Variants in AFG2A observed in about 807,000 individuals in gnomAD.
AFG2A encodes the protein AAA ATPase AFG2A, also known as ATPase family gene 2 protein homolog A.
chr4:123,106,865 A>G, the AFG2A span, among the ~76,000 whole-genome samples: 2 of 152,224 alleles, frequency 1.3e-5, no homozygotes, highest in African/African-American at 4.8e-5. Context: ...AGGGCGAGCG[A>G]GGCGTGGAGC....
At chr4:123,056,441 G>C in the AFG2A span, 1 of 1,612,040 alleles carries the variant, frequency 6.2e-7, no homozygotes, top group Non-Finnish European at 8.5e-7. Context: ...AGTTAGAGAG[G>C]TAAGAAATTG....
the AFG2A span, among the ~76,000 whole-genome samples, chr4:123,302,097 A>G: frequency 1.3e-5 from 2 of 152,158 alleles, no homozygotes; most frequent in Non-Finnish European, 2.9e-5. Context: ...TATTAAAACC[A>G]GTTTAACACA....
At chr4:123,230,433 C>T in the AFG2A span, among the ~76,000 whole-genome samples, 2,145 of 151,986 alleles carry the variant, frequency 0.014, 49 homozygotes, top group African/African-American at 0.048. Context: ...GCAATTCAGT[C>T]ATAATTTCAG....
At chr4:123,286,710 G>T in the AFG2A span, among the ~76,000 whole-genome samples, 2 of 152,048 alleles carry the variant, frequency 1.3e-5, no homozygotes, top group Admixed American at 1.3e-4. Context: ...ACCTATAACT[G>T]CTTTGTTTGT....
chr4:123,003,967 C>T, the AFG2A span, among the ~76,000 whole-genome samples: 3 of 152,216 alleles, frequency 2.0e-5, no homozygotes, highest in Non-Finnish European at 4.4e-5. Context: ...CCACCCAGTT[C>T]AAGCTTCTTG....
At chr4:123,300,766 T>TA in the AFG2A span, among the ~76,000 whole-genome samples, 1 of 147,684 alleles carries the variant, frequency 6.8e-6, no homozygotes, top group African/African-American at 2.5e-5. Flanking sequence ...TTTTTTTTTT[T>TA]AGTAGATGAA....
the AFG2A span, among the ~76,000 whole-genome samples, chr4:123,147,832 G>T: frequency 1.3e-5 from 2 of 152,114 alleles, no homozygotes; most frequent in African/African-American, 4.8e-5. Context: ...ATACATTTAT[G>T]TAATTGTACA....
the AFG2A span, among the ~76,000 whole-genome samples, chr4:123,108,928 C>A: frequency 6.6e-6 from 1 of 151,982 alleles, no homozygotes; most frequent in South Asian, 2.1e-4. Flanking sequence ...TTGAGTTTAA[C>A]AACTTTATAA....
At chr4:123,156,583 A>C in the AFG2A span, among the ~76,000 whole-genome samples, 1 of 152,002 alleles carries the variant, frequency 6.6e-6, no homozygotes, top group African/African-American at 2.4e-5. Context: ...GAAACCCTCA[A>C]CTTGGTCATG....
the AFG2A span, among the ~76,000 whole-genome samples, chr4:123,163,330 G>T: frequency 6.6e-6 from 1 of 152,138 alleles, no homozygotes; most frequent in Admixed American, 6.5e-5. Context: ...CAACTACTCG[G>T]GAGGCTGAGG....
chr4:123,265,132 A>G, the AFG2A span, among the ~76,000 whole-genome samples: 2 of 152,140 alleles, frequency 1.3e-5, no homozygotes, highest in Non-Finnish European at 2.9e-5. Flanking sequence ...TTTTCCACTA[A>G]GTAGAAAAGA....
chr4:123,194,661 G>C, the AFG2A span, among the ~76,000 whole-genome samples: 1 of 152,050 alleles, frequency 6.6e-6, no homozygotes, highest in Non-Finnish European at 1.5e-5. Flanking sequence ...TCAGAATTTT[G>C]GTTGCATTTC....
At chr4:122,934,583 G>C in the AFG2A span, 1 of 1,613,914 alleles carries the variant, frequency 6.2e-7, no homozygotes. Context: ...TCAACAACAA[G>C]AGTCAATTTT....
At chr4:123,257,437 TA>T in the AFG2A span, among the ~76,000 whole-genome samples, 1 of 152,186 alleles carries the variant, frequency 6.6e-6, no homozygotes, top group Non-Finnish European at 1.5e-5. Flanking sequence ...GACTTAGACA[TA>T]TTCAACTGAT....
the AFG2A span, among the ~76,000 whole-genome samples, chr4:123,100,409 T>C: frequency 6.6e-6 from 1 of 151,970 alleles, no homozygotes; most frequent in Non-Finnish European, 1.5e-5. Context: ...CTTTACACTT[T>C]ATCTCACTAA....
At chr4:122,936,175 T>C in the AFG2A span, 1 of 1,583,218 alleles carries the variant, frequency 6.3e-7, no homozygotes, top group South Asian at 1.2e-5. Flanking sequence ...TATTTTTAAA[T>C]GTTTTGGAAT....
the AFG2A span, among the ~76,000 whole-genome samples, chr4:123,170,194 C>T: frequency 6.6e-6 from 1 of 152,260 alleles, no homozygotes; most frequent in Non-Finnish European, 1.5e-5. Context: ...ACCTCCTTTT[C>T]CTAATCTGAA....
At chr4:123,123,044 T>C in the AFG2A span, among the ~76,000 whole-genome samples, 2 of 152,194 alleles carry the variant, frequency 1.3e-5, no homozygotes, top group Admixed American at 6.5e-5. Context: ...AAAATCTATT[T>C]TACTTTAGTA....
the AFG2A span, among the ~76,000 whole-genome samples, chr4:123,048,941 A>G: frequency 1.3e-5 from 2 of 152,156 alleles, no homozygotes; most frequent in African/African-American, 4.8e-5. Flanking sequence ...GCTTTGTTTC[A>G]GATCTTGGTG....
Sources: allele counts gnomAD v4.1 joint callset (sites outside exome capture counted in the v4.1 genomes callset), GRCh38; gene constraint gnomAD v4.1.1; transcripts MANE v1.5; gene names NCBI Gene and HGNC (gene_info 2026-07-23, HGNC 2026-07-21).